The following VWA3B variants were observed in gnomAD, a reference collection of about 807,000 sequenced individuals.
VWA3B encodes the protein von Willebrand factor A domain containing 3B, also known as von Willebrand factor A domain-containing protein 3B.
A neutral mutation model predicts 158.3 loss-of-function variants in VWA3B; 138 were observed. That is an observed-to-expected ratio of 0.87 (90% CI 0.76 to 1.00). The LOEUF (loss-of-function observed/expected upper bound fraction) is 1.00, where lower values mean the gene tolerates loss of function less well. Ranked by LOEUF, VWA3B falls within the 50% of genes least tolerant of loss-of-function variation. The pLI is 0.00. For synonymous variants in VWA3B, 596 were observed against 587.3 expected (o/e 1.01, Z -0.21); for missense variants, 1,555 against 1,565.1 (o/e 0.99, Z 0.11).
At chr2:98,224,123 C>T (rs7349441) in intron 14 of VWA3B, among the ~76,000 whole-genome samples, 122,577 of 152,170 alleles carry the variant, frequency 0.81, 49,682 homozygotes, top group South Asian at 0.9. Context: ...AACTTATTTT[C>T]ATTGATTGTT....
At chr2:98,183,690 G>A (rs1051558606) in intron 9 of VWA3B, among the ~76,000 whole-genome samples, 2 of 152,170 alleles carry the variant, frequency 1.3e-5, no homozygotes, top group African/African-American at 4.8e-5. Context: ...CCCCTGCTAT[G>A]TACCAGTTCA....
At chr2:98,297,013 A>G (rs1296839374) in intron 23 of VWA3B, among the ~76,000 whole-genome samples, 1 of 151,750 alleles carries the variant, frequency 6.6e-6, no homozygotes, top group Non-Finnish European at 1.5e-5. Context: ...AATTATTTTT[A>G]TACCAACCTT....
At chr2:98,108,349 C>T (rs1673840116) in intron 2 of VWA3B, among the ~76,000 whole-genome samples, 1 of 152,232 alleles carries the variant, frequency 6.6e-6, no homozygotes, top group African/African-American at 2.4e-5. Context: ...TTTTATAGAG[C>T]TTTCTATAAA....
intron 2 of VWA3B, among the ~76,000 whole-genome samples, chr2:98,100,271 T>C (rs529599876): frequency 6.6e-6 from 1 of 152,336 alleles, no homozygotes; most frequent in South Asian, 2.1e-4. Context: ...GTGTGGTCCC[T>C]AAGCATGTGA....
intron 7 of VWA3B, among the ~76,000 whole-genome samples, chr2:98,161,681 C>CTATTTATT (rs1004544485): frequency 6.6e-6 from 1 of 152,074 alleles, no homozygotes; most frequent in Non-Finnish European, 1.5e-5. Flanking sequence ...ATCTATTTAT[C>CTATTTATT]TATTTATTTA....
intron 2 of VWA3B, among the ~76,000 whole-genome samples, chr2:98,100,308 G>A (rs1682993750): frequency 6.6e-6 from 1 of 152,152 alleles, no homozygotes; most frequent in African/African-American, 2.4e-5. Context: ...AGCACTAGGG[G>A]GTGTCCTAAG....
chr2:98,329,063 T>C, the VWA3B span, among the ~76,000 whole-genome samples: 1 of 152,164 alleles, frequency 6.6e-6, no homozygotes, highest in African/African-American at 2.4e-5. Flanking sequence ...TCAACAAAAG[T>C]CCCAAGGCAA....
intron 2 of VWA3B, among the ~76,000 whole-genome samples, chr2:98,098,183 G>A (rs1056032879): frequency 1.1e-4 from 17 of 152,104 alleles, no homozygotes; most frequent in African/African-American, 3.4e-4. Context: ...GTTGAGAAGA[G>A]TGTGTATTCT....
rs898657873 is a variant in VWA3B at position 98,161,794 on chromosome 2, C to T, written c.989-1057C>T. 3.3e-5 allele frequency among the ~76,000 whole-genome samples: 5 copies of T among 152,218 alleles called. No individual in the cohort carries two copies. In the East Asian group the frequency reaches 9.7e-4, roughly 29 times the overall value. On this transcript the variant is annotated intron_variant, in intron 7 of 27. Coordinates refer to ENST00000477737, the MANE Select transcript of VWA3B (RefSeq NM_144992.5). ...TGATCTCAGCTCACTGCAGCCTCCG[C>T]CTCCCCAGTTCAAGTGATTCTCCTG...
intron 8 of VWA3B, among the ~76,000 whole-genome samples, chr2:98,173,142 T>A (rs1679734001): frequency 6.6e-6 from 1 of 152,228 alleles, no homozygotes; most frequent in Non-Finnish European, 1.5e-5. Context: ...TGTTTATCTT[T>A]TCAAGAGTGT....
chr2:98,300,348 G>A (rs572672448), intron 25 of VWA3B, 132 bp downstream of exon 25: 168 of 1,354,292 alleles, frequency 1.2e-4, no homozygotes, highest in Middle Eastern at 5.6e-4. Context: ...CCTGTGTTTT[G>A]GCTTCTGCCC....
intron 12 of VWA3B, among the ~76,000 whole-genome samples, chr2:98,210,364 A>G (rs1340101839): frequency 6.6e-6 from 1 of 152,136 alleles, no homozygotes; most frequent in Non-Finnish European, 1.5e-5. Context: ...ATGAACTTTT[A>G]CAGCTTTTGG....
chr2:98,135,117 T>A (rs1183000180), intron 7 of VWA3B, among the ~76,000 whole-genome samples: 1 of 152,166 alleles, frequency 6.6e-6, no homozygotes, highest in Non-Finnish European at 1.5e-5. Context: ...TTAAGCCTAG[T>A]GGGCAATGAT....
At chr2:98,204,553 A>G (rs1422917055) in intron 12 of VWA3B, among the ~76,000 whole-genome samples, 1 of 152,252 alleles carries the variant, frequency 6.6e-6, no homozygotes, top group African/African-American at 2.4e-5. Context: ...CTCTGAATAC[A>G]TAGAATGCCA....
chr2:98,173,391 A>T (rs1277354384), intron 8 of VWA3B, among the ~76,000 whole-genome samples: 2 of 152,234 alleles, frequency 1.3e-5, no homozygotes, highest in African/African-American at 2.4e-5. Context: ...AACAAGTGAG[A>T]ATGCCAGAAA....
At chr2:98,169,606 C>A (rs1679404225) in intron 8 of VWA3B, among the ~76,000 whole-genome samples, 1 of 152,032 alleles carries the variant, frequency 6.6e-6, no homozygotes, top group African/African-American at 2.4e-5. Context: ...AATTGTAGCT[C>A]AATACAACTG....
chr2:98,242,201 T>C, intron 19 of VWA3B: 1 of 455,728 alleles, frequency 2.2e-6, no homozygotes, highest in Admixed American at 2.4e-5. Context: ...GTTTCATTCA[T>C]CACTTATGTA....
chr2:98,112,893 A>C (rs1364847863), intron 2 of VWA3B, among the ~76,000 whole-genome samples: 1 of 151,900 alleles, frequency 6.6e-6, no homozygotes, highest in East Asian at 1.9e-4. Flanking sequence ...CAGATTTTCT[A>C]GGTTACTAAC....
At chr2:98,273,145 C>T (rs115544803) in intron 22 of VWA3B, among the ~76,000 whole-genome samples, 2,599 of 152,344 alleles carry the variant, frequency 0.017, 31 homozygotes, top group South Asian at 0.047. Context: ...ATGTTCACCA[C>T]ATTATAGTCT....
Sources: allele counts gnomAD v4.1 joint callset (sites outside exome capture counted in the v4.1 genomes callset), GRCh38; gene constraint gnomAD v4.1.1; transcripts MANE v1.5; gene names NCBI Gene and HGNC (gene_info 2026-07-23, HGNC 2026-07-21).